The following GRIA4 variants were observed in gnomAD, a reference collection of about 807,000 sequenced individuals.
GRIA4 encodes the protein glutamate ionotropic receptor AMPA type subunit 4.
Under a neutral mutation model 104.0 loss-of-function variants are expected in GRIA4, and 34 were observed. The observed-to-expected ratio is 0.33, with a 90% CI of 0.25 to 0.44. The LOEUF is 0.44. Ranked by LOEUF, GRIA4 falls within the 20% of genes least tolerant of loss-of-function variation. The pLI, the probability that GRIA4 is intolerant of heterozygous loss-of-function variation, is 1.00. For missense variants in GRIA4, 750 were observed against 1,096.5 expected (o/e 0.68, Z 4.46); for synonymous variants, 386 against 381.9 (o/e 1.01, Z -0.13).
rs529879958 is a variant in GRIA4 at position 105,760,834 on chromosome 11, G to T, written c.487+7614G>T. Among the ~76,000 whole-genome samples, 5 of 151,818 alleles carry T rather than the reference G, an allele frequency of 3.3e-5. 1 individual carries two copies. The highest frequency in any genetic ancestry group is 1.2e-4 in the African/African-American group (5 of 41,384). On this transcript the variant is annotated intron_variant, in intron 4 of 16. Coordinates refer to ENST00000282499, the MANE Select transcript of GRIA4 (RefSeq NM_000829.4). ...GAAAACATGTTTTCTGATATTAATGGTTTGAAACCCTTTGGGATTTTTTTC... is the reference window on the plus strand; with the variant it reads ...GAAAACATGTTTTCTGATATTAATGTTTTGAAACCCTTTGGGATTTTTTTC...
intron 4 of GRIA4, among the ~76,000 whole-genome samples, chr11:105,774,726 T>C (rs374340785): frequency 2.0e-5 from 3 of 152,206 alleles, no homozygotes; most frequent in East Asian, 3.8e-4. Flanking sequence ...CTTAGGGATT[T>C]AGTACAAAAT....
chr11:105,638,366 TGTA>T (rs1393406554), intron 3 of GRIA4, among the ~76,000 whole-genome samples: 1 of 152,066 alleles, frequency 6.6e-6, no homozygotes, highest in African/African-American at 2.4e-5. Flanking sequence ...AAAAGCAGAG[TGTA>T]GTTGCAGCTA....
In GRIA4 at chr11:105,905,330, A is replaced by C. The variant is rs375481141; in HGVS notation, c.1158+29A>C. On this transcript the variant is annotated intron_variant, in intron 9 of 16. Transcript: ENST00000282499. ...AGCCACGATCAAACTGAAAAACAGA[A>C]TTCTCTGTTTCTTAGTTTGTATGTA... 9.4e-6 allele frequency: 11 copies of C among 1,169,834 alleles called. No individual in the cohort carries two copies. The African/African-American group carries it at 1.5e-4, about 16-fold the overall frequency. The allele number at this position is 1,169,834 out of a possible 1,614,324, so 72.5% of individuals were successfully genotyped here.
chr11:105,878,005 T>C (rs1443886200), intron 5 of GRIA4, among the ~76,000 whole-genome samples: 1 of 152,192 alleles, frequency 6.6e-6, no homozygotes, highest in Admixed American at 6.5e-5. Flanking sequence ...GTTTTTGGAA[T>C]TTTCAGCCTT....
At chr11:105,931,265 T>TAC (rs373334457) in intron 13 of GRIA4, among the ~76,000 whole-genome samples, 14,235 of 143,672 alleles carry the variant, frequency 0.099, 712 homozygotes, top group Middle Eastern at 0.21. Context: ...ATTGCCTAAA[T>TAC]ACACACACAC....
chr11:105,912,488 AGACT>A, intron 10 of GRIA4: 1 of 835,616 alleles, frequency 1.2e-6, no homozygotes, highest in Non-Finnish European at 1.4e-6. Context: ...AAAAAAAAAA[AGACT>A]AAAAATGACT....
Position 105,862,164 on chromosome 11 carries a change from G to T in GRIA4, c.628G>T (p.Val210Leu). The T allele has an allele frequency of 1.2e-6, 2 of 1,605,914 alleles. No homozygotes were observed. Among genetic ancestry groups the T allele is most frequent in the Non-Finnish European group, 1.7e-6 (2 of 1,172,632 alleles). ...ELDRRQEKKF[V>L]IDCEIERLQN... is the part of the protein sequence containing the mutation. ...TGACAGAAGACAAGAGAAGAAGTTT[G>T]TAATAGACTGTGAGATAGAGAGACT... The change falls in exon 5 of 17, where the codon GTA becomes TTA. Residue 210 changes from valine (V) to leucine (L), a missense_variant. Transcript: ENST00000282499.
chr11:105,937,750 A>G (rs1281857202), intron 14 of GRIA4, among the ~76,000 whole-genome samples: 1 of 152,166 alleles, frequency 6.6e-6, no homozygotes, highest in Non-Finnish European at 1.5e-5. Flanking sequence ...AGTAAAACAA[A>G]TGTTCTGTCA....
At position 105,910,510 on chromosome 11, in the gene GRIA4, A is replaced by G. The variant is rs780905907; in HGVS notation, c.1234A>G (p.Ile412Val). Reference protein sequence around the residue: ...VPTLGNDTAAIENRTVVVTTI... With the variant: ...VPTLGNDTAAVENRTVVVTTI... The stretch of plus-strand genomic sequence containing the variant: ...AACTCTTGGCAATGACACAGCTGCT[A>G]TTGAGAACAGAACAGTGGTTGTAAC... The change falls in exon 10 of 17, where the codon ATT (isoleucine) becomes GTT (valine). Residue 412 changes from isoleucine (I) to valine (V), a missense_variant. By Grantham distance (29) the Ile-to-Val change is conservative. Coordinates refer to ENST00000282499, the MANE Select transcript of GRIA4 (RefSeq NM_000829.4). 5.0e-6 allele frequency: 8 copies of G among 1,586,576 alleles called. No homozygotes were observed. Among genetic ancestry groups the G allele is most frequent in the African/African-American group, 2.7e-5 (2 of 74,484 alleles).
At chr11:105,891,659 C>T (rs1946458779) in intron 6 of GRIA4, among the ~76,000 whole-genome samples, 2 of 152,182 alleles carry the variant, frequency 1.3e-5, no homozygotes, top group African/African-American at 4.8e-5. Flanking sequence ...GTCTAGAAAG[C>T]TATCCCTAAA....
At chr11:105,756,252 T>A (rs1940304428) in intron 4 of GRIA4, among the ~76,000 whole-genome samples, 1 of 152,124 alleles carries the variant, frequency 6.6e-6, no homozygotes, top group Middle Eastern at 3.2e-3. Flanking sequence ...TAAAAATGTC[T>A]TTCAGATAGA....
At chr11:105,639,972 C>T (rs1226055959) in intron 3 of GRIA4, among the ~76,000 whole-genome samples, 1 of 151,834 alleles carries the variant, frequency 6.6e-6, no homozygotes, top group Non-Finnish European at 1.5e-5. Flanking sequence ...CTGCTTATAT[C>T]TTGGCAGCAT....
intron 3 of GRIA4, among the ~76,000 whole-genome samples, chr11:105,619,112 A>G (rs937806361): frequency 6.6e-6 from 1 of 151,230 alleles, no homozygotes; most frequent in African/African-American, 2.4e-5. Flanking sequence ...ATTCTAATAC[A>G]TAGGTTTTTG....
In GRIA4 at chr11:105,693,220, T is replaced by C. The variant is rs904978143; in HGVS notation, c.248-59761T>C. On this transcript the variant is annotated intron_variant, in intron 3 of 16. Transcript: ENST00000282499. The stretch of plus-strand genomic sequence containing the variant: ...CTAATAAAGTTTGCTATTTACTCTC[T>C]TGCAAACTCAACTAATTGTGCATGT... 3.3e-5 allele frequency among the ~76,000 whole-genome samples: 5 copies of C among 152,206 alleles called. No individual in the cohort carries two copies. The South Asian group carries it at 6.2e-4, about 19-fold the overall frequency.
intron 4 of GRIA4, among the ~76,000 whole-genome samples, chr11:105,848,288 G>C (rs1340789587): frequency 6.6e-6 from 1 of 152,090 alleles, no homozygotes; most frequent in Non-Finnish European, 1.5e-5. Context: ...TCTTGTGTTA[G>C]AGCTTTCTTA....
chr11:105,893,371 C>A (rs1397838217), intron 6 of GRIA4, among the ~76,000 whole-genome samples: 1 of 151,934 alleles, frequency 6.6e-6, no homozygotes, highest in African/African-American at 2.4e-5. Context: ...TAGATCCTAT[C>A]AATTTTCTAT....
intron 5 of GRIA4, among the ~76,000 whole-genome samples, chr11:105,875,541 T>C (rs1945785901): frequency 6.6e-6 from 1 of 152,170 alleles, no homozygotes; most frequent in Admixed American, 6.5e-5. Context: ...ATCTGTCTGG[T>C]CCTGGGCTTT....
At chr11:105,830,613 T>G (rs538059623) in intron 4 of GRIA4, among the ~76,000 whole-genome samples, 2 of 152,176 alleles carry the variant, frequency 1.3e-5, no homozygotes, top group East Asian at 1.9e-4. Flanking sequence ...GTAGGTGGTC[T>G]ACTTATGAAA....
At chr11:105,779,833 T>C (rs947900647) in intron 4 of GRIA4, among the ~76,000 whole-genome samples, 1 of 152,052 alleles carries the variant, frequency 6.6e-6, no homozygotes, top group Non-Finnish European at 1.5e-5. Flanking sequence ...GTAAGCTAAC[T>C]ATAGAAGAAT....
Sources: allele counts gnomAD v4.1 joint callset (sites outside exome capture counted in the v4.1 genomes callset), GRCh38; gene constraint gnomAD v4.1.1; transcripts MANE v1.5; gene names NCBI Gene and HGNC (gene_info 2026-07-23, HGNC 2026-07-21).